ZCCHC24: variants seen among roughly 807,000 people sequenced by gnomAD.
The protein encoded by ZCCHC24 is zinc finger CCHC domain-containing protein 24.
In ZCCHC24, 10 loss-of-function variants were observed where a neutral mutation model predicts 26.2. The observed-to-expected ratio is 0.38, with a 90% confidence interval of 0.24 to 0.65. The LOEUF is 0.65. ZCCHC24 is among the 30% of genes least tolerant of loss of function. ZCCHC24 has a pLI of 0.54. For missense variants in ZCCHC24, 243 were observed against 329.1 expected (o/e 0.74, Z 2.03); for synonymous variants, 144 against 147.1 (o/e 0.98, Z 0.15).
chr10:79,441,226 C>G (rs1003967921), intron 1 of ZCCHC24, among the ~76,000 whole-genome samples: 5 of 152,122 alleles, frequency 3.3e-5, no homozygotes, highest in Non-Finnish European at 7.3e-5. Flanking sequence ...CCACACTGGT[C>G]AGGCAGCCCG....
At chr10:79,445,155 G>A in intron 1 of ZCCHC24, 40 bp downstream of exon 1, 1 of 1,267,456 alleles carries the variant, frequency 7.9e-7, no homozygotes, top group Non-Finnish European at 1.0e-6. Flanking sequence ...GGGGCGGTGG[G>A]GCGGTGGGGC....
chr10:79,403,696 C>T, intron 2 of ZCCHC24: 1 of 772,920 alleles, frequency 1.3e-6, no homozygotes, highest in Non-Finnish European at 1.6e-6. Context: ...GTTCCTGCTG[C>T]AGCCCAGCAT....
intron 2 of ZCCHC24, among the ~76,000 whole-genome samples, chr10:79,423,034 C>T (rs540731107): frequency 2.0e-5 from 3 of 152,190 alleles, no homozygotes; most frequent in Admixed American, 6.5e-5. Context: ...ATATCACCCA[C>T]GTCAACATCA....
chr10:79,420,410 C>T (rs1420753694), intron 2 of ZCCHC24, among the ~76,000 whole-genome samples: 1 of 152,218 alleles, frequency 6.6e-6, no homozygotes, highest in Non-Finnish European at 1.5e-5. Context: ...TGTGGATCCC[C>T]ACAGTGCTGA....
At chr10:79,407,410 C>G (rs969155653) in intron 2 of ZCCHC24, among the ~76,000 whole-genome samples, 5 of 152,258 alleles carry the variant, frequency 3.3e-5, no homozygotes, top group Non-Finnish European at 5.9e-5. Flanking sequence ...ATTCCTGAGC[C>G]CCTGCTTCTA....
At chr10:79,387,977 G>C (rs1432020321) in intron 3 of ZCCHC24, among the ~76,000 whole-genome samples, 1 of 152,176 alleles carries the variant, frequency 6.6e-6, no homozygotes, top group Non-Finnish European at 1.5e-5. Context: ...CACATCACAA[G>C]AGGCTTTCAG....
At chr10:79,435,083 A>G (rs998789694) in intron 1 of ZCCHC24, among the ~76,000 whole-genome samples, 11 of 152,122 alleles carry the variant, frequency 7.2e-5, no homozygotes, top group African/African-American at 2.7e-4. Flanking sequence ...CCTCCCAGAG[A>G]AAAGTTCATC....
At chr10:79,420,847 T>C (rs1177409600) in intron 2 of ZCCHC24, among the ~76,000 whole-genome samples, 1 of 152,196 alleles carries the variant, frequency 6.6e-6, no homozygotes, top group Non-Finnish European at 1.5e-5. Context: ...GCAAGCAAGG[T>C]GCCAGGCACT....
chr10:79,408,197 TG>T (rs1856744278), intron 2 of ZCCHC24, among the ~76,000 whole-genome samples: 1 of 152,188 alleles, frequency 6.6e-6, no homozygotes, highest in Admixed American at 6.5e-5. Flanking sequence ...GTGGCAAGAT[TG>T]GGTGCCCAGA....
In ZCCHC24 at chr10:79,385,966, A is replaced by C; in HGVS notation, c.*379T>G. On this transcript the variant is annotated 3_prime_UTR_variant, in exon 4 of 4. Coordinates refer to ENST00000372336, the MANE Select transcript of ZCCHC24 (RefSeq NM_153367.4). The surrounding 1 kb of genome is among the most constrained non-coding windows in gnomAD (Gnocchi z 4.3). ...CCTGGCTGGTCTGGGGAGGTTTGGG[A>C]TTCACAGTCAATTTAGTGCACCTGT... 2.4e-6 allele frequency: 1 copy of C among 422,334 alleles called. No homozygotes were observed. Among genetic ancestry groups the C allele is most frequent in the Non-Finnish European group, 4.2e-6 (1 of 238,408 alleles). 26.2% of individuals were successfully genotyped at this position (422,334 alleles called of 1,614,324 possible).
At chr10:79,441,425 T>C (rs1044918848) in intron 1 of ZCCHC24, among the ~76,000 whole-genome samples, 1 of 151,924 alleles carries the variant, frequency 6.6e-6, no homozygotes, top group African/African-American at 2.4e-5. Flanking sequence ...TTCTCAAACC[T>C]CCAATGGGTA....
At chr10:79,428,049 G>A (rs538363464) in intron 2 of ZCCHC24, among the ~76,000 whole-genome samples, 3 of 152,316 alleles carry the variant, frequency 2.0e-5, no homozygotes, top group Admixed American at 6.5e-5. Context: ...AATTGAAAGC[G>A]AGCAAAGATA....
intron 2 of ZCCHC24, among the ~76,000 whole-genome samples, chr10:79,431,975 G>A (rs1297250993): frequency 6.6e-6 from 1 of 152,084 alleles, no homozygotes; most frequent in Non-Finnish European, 1.5e-5. Flanking sequence ...TGGGGGCCTC[G>A]ATCTGCCCGA....
At chr10:79,401,405 A>G (rs1314110748) in intron 2 of ZCCHC24, among the ~76,000 whole-genome samples, 1 of 152,264 alleles carries the variant, frequency 6.6e-6, no homozygotes, top group Admixed American at 6.5e-5. Context: ...CCCAGGTTTC[A>G]GATGGGAACG....
chr10:79,410,373 T>C (rs9943418), intron 2 of ZCCHC24, among the ~76,000 whole-genome samples: 5,670 of 152,336 alleles, frequency 0.037, 366 homozygotes, highest in African/African-American at 0.13. Flanking sequence ...ACATAGTAGG[T>C]ACTCAATAAA....
chr10:79,386,931 A>G (rs1856405629), intron 3 of ZCCHC24, among the ~76,000 whole-genome samples: 1 of 152,176 alleles, frequency 6.6e-6, no homozygotes, highest in Non-Finnish European at 1.5e-5. Context: ...CCAGGCCCAC[A>G]GCAACGGAGG....
At chr10:79,402,611 T>C (rs1255556503) in intron 2 of ZCCHC24, among the ~76,000 whole-genome samples, 1 of 152,236 alleles carries the variant, frequency 6.6e-6, no homozygotes, top group African/African-American at 2.4e-5. Flanking sequence ...GTGAGGGGGC[T>C]GCTCTGGTGG....
At chr10:79,407,126 A>G (rs1269611334) in intron 2 of ZCCHC24, among the ~76,000 whole-genome samples, 1 of 152,196 alleles carries the variant, frequency 6.6e-6, no homozygotes, top group East Asian at 1.9e-4. Flanking sequence ...GGCAAGCTGG[A>G]CACACGCCCC....
rs2132168251 is a variant in ZCCHC24, at chr10:79,384,196, G to C, written c.*2149C>G. Reference sequence around the variant, plus strand: ...CAGCTCACTGGCAAGGTCACTTTGGGGTGATATCCCAACTCCCCTTAGCCC... The same window carrying C: ...CAGCTCACTGGCAAGGTCACTTTGGCGTGATATCCCAACTCCCCTTAGCCC... On this transcript the variant is annotated 3_prime_UTR_variant, in exon 4 of 4. Transcript: ENST00000372336. The C allele has an allele frequency of 6.6e-6, 1 of 152,502 alleles. No individual in the cohort carries two copies. The highest frequency in any genetic ancestry group is 6.5e-5 in the Admixed American group (1 of 15,298). The allele number at this position is 152,502 out of a possible 1,614,324, so 9.4% of individuals were successfully genotyped here. A position where few individuals can be genotyped will look rare whatever the true frequency, so the allele number is the denominator to read the frequency against.
Sources: gnomAD v4.1 joint callset for allele counts (sites outside exome capture counted in the v4.1 genomes callset) on GRCh38, gnomAD v4.1.1 for gene constraint, Gnocchi (gnomAD v3.1) non-coding constraint, MANE v1.5 for transcripts, NCBI Gene and HGNC (gene_info 2026-07-23, HGNC 2026-07-21) for gene names.